LRRK1: variants seen among roughly 807,000 people sequenced by gnomAD.
LRRK1 encodes the protein leucine rich repeat kinase 1, also known as leucine-rich repeat serine/threonine-protein kinase 1.
In LRRK1, 113 loss-of-function variants were observed where a neutral mutation model predicts 209.1. The ratio of observed to expected loss-of-function variants is 0.54; its 90% CI spans 0.46 to 0.63. The LOEUF (loss-of-function observed/expected upper bound fraction) is 0.63, where lower values mean the gene tolerates loss of function less well. LRRK1 is among the 30% of genes least tolerant of loss of function. The pLI is 0.00. For missense variants in LRRK1, 2,284 were observed against 2,632.2 expected (o/e 0.87, Z 2.89); for synonymous variants, 1,144 against 1,099.7 (o/e 1.04, Z -0.80).
At chr15:101,021,803 TGTGTGTGTGTA>T (rs760128731) in intron 13 of LRRK1, 31 bp from the exon 14 acceptor site, 27 of 996,824 alleles carry the variant, frequency 2.7e-5, no homozygotes, top group South Asian at 1.3e-4. Flanking sequence ...TGTGTGTGTG[TGTGTGTGTGTA>T]TTCTCTCGTG....
intron 2 of LRRK1, among the ~76,000 whole-genome samples, chr15:100,929,624 G>T (rs2042174006): frequency 6.6e-6 from 1 of 152,176 alleles, no homozygotes; most frequent in Non-Finnish European, 1.5e-5. Flanking sequence ...GCCACAGCAG[G>T]AAAGTCTACG....
chr15:101,002,055 A>T (rs1009912146), intron 6 of LRRK1, among the ~76,000 whole-genome samples: 1 of 152,252 alleles, frequency 6.6e-6, no homozygotes, highest in Non-Finnish European at 1.5e-5. Flanking sequence ...ACATCTGCTG[A>T]GGTTCAAACC....
chr15:101,059,642 A>G (rs1596344766), intron 29 of LRRK1, among the ~76,000 whole-genome samples: 1 of 150,014 alleles, frequency 6.7e-6, no homozygotes, highest in East Asian at 1.9e-4. Context: ...AAGTCGGGTA[A>G]GTAAAAGCCT....
At chr15:100,971,291 G>A (rs930366839) in intron 2 of LRRK1, among the ~76,000 whole-genome samples, 15 of 148,794 alleles carry the variant, frequency 1.0e-4, no homozygotes, top group Admixed American at 5.4e-4. Context: ...CCGAGATCGC[G>A]CCACTGCACA....
intron 20 of LRRK1, among the ~76,000 whole-genome samples, chr15:101,030,172 C>G (rs1374656552): frequency 3.3e-5 from 5 of 152,176 alleles, no homozygotes; most frequent in African/African-American, 9.7e-5. Flanking sequence ...CTCCTCATGA[C>G]TTTGTGCTGG....
At chr15:101,054,287 T>C (rs1351210997) in intron 26 of LRRK1, among the ~76,000 whole-genome samples, 1 of 152,222 alleles carries the variant, frequency 6.6e-6, no homozygotes, top group Non-Finnish European at 1.5e-5. Flanking sequence ...AAAATGCTTC[T>C]ACTTGCCTCT....
At chr15:100,934,802 C>CAAAA (rs56258040) in intron 2 of LRRK1, among the ~76,000 whole-genome samples, 1,100 of 53,386 alleles carry the variant, frequency 0.021, 25 homozygotes, top group Non-Finnish European at 0.034. Context: ...GAAACTGTCT[C>CAAAA]AAAAAAAAAA....
chr15:101,035,167 G>A (rs1044213561), intron 20 of LRRK1, among the ~76,000 whole-genome samples: 2 of 151,956 alleles, frequency 1.3e-5, no homozygotes, highest in South Asian at 2.1e-4. Context: ...GTAAATGTCT[G>A]TAAGGTCCTT....
chr15:101,060,325 T>TTTTTAACTGTTTGTTTTCAAA (rs2036087512), intron 29 of LRRK1, among the ~76,000 whole-genome samples: 1 of 152,246 alleles, frequency 6.6e-6, no homozygotes, highest in African/African-American at 2.4e-5. Flanking sequence ...ACTCTCTATA[T>TTTTTAACTGTTTGTTTTCAAA]TTTTAACTGT....
At chr15:101,038,711 A>G (rs778910600) in intron 20 of LRRK1, among the ~76,000 whole-genome samples, 6 of 152,084 alleles carry the variant, frequency 3.9e-5, no homozygotes, top group Admixed American at 6.5e-5. Flanking sequence ...TGGATGATCT[A>G]TTCAACGTGT....
chr15:101,025,045 C>T, intron 16 of LRRK1, 78 bp downstream of exon 16: 1 of 1,393,132 alleles, frequency 7.2e-7, no homozygotes, highest in Non-Finnish European at 9.7e-7. Context: ...CAAGCATCCC[C>T]TGTACTGAGA....
At chr15:101,013,697 G>T (rs559159814) in intron 10 of LRRK1, among the ~76,000 whole-genome samples, 115 of 152,228 alleles carry the variant, frequency 7.6e-4, no homozygotes, top group Non-Finnish European at 1.2e-3. Context: ...CCCCCTTGGT[G>T]ACTGGGTTCC....
chr15:101,048,767 G>T, intron 22 of LRRK1, 110 bp downstream of exon 22: 1 of 909,188 alleles, frequency 1.1e-6, no homozygotes, highest in Non-Finnish European at 1.6e-6. Context: ...TTTTGCTCGT[G>T]AGAGCGGCTC....
intron 27 of LRRK1, among the ~76,000 whole-genome samples, chr15:101,056,522 C>T (rs2035805633): frequency 6.6e-6 from 1 of 151,792 alleles, no homozygotes; most frequent in African/African-American, 2.4e-5. Flanking sequence ...GATAGGAAGA[C>T]AGATGGATAA....
At chr15:101,057,116 G>A (rs532380784) in intron 28 of LRRK1, 66 bp downstream of exon 28, 4 of 1,421,644 alleles carry the variant, frequency 2.8e-6, no homozygotes, top group Admixed American at 2.3e-5. Flanking sequence ...TGGGTCCCCA[G>A]GGGGTGTGTG....
At chr15:101,023,451 TG>T (rs1435860079) in intron 15 of LRRK1, among the ~76,000 whole-genome samples, 3 of 152,214 alleles carry the variant, frequency 2.0e-5, no homozygotes, top group African/African-American at 7.2e-5. Flanking sequence ...GGACTGTTGG[TG>T]GGAACTCCAT....
intron 5 of LRRK1, 38 bp from the exon 6 acceptor site, chr15:100,989,211 CA>C (rs1352727655): frequency 1.3e-6 from 2 of 1,585,280 alleles, no homozygotes; most frequent in Non-Finnish European, 1.7e-6. Context: ...GTGACACTAG[CA>C]TCTGCATGCC....
At chr15:100,993,779 A>T (rs772270494) in intron 6 of LRRK1, among the ~76,000 whole-genome samples, 1 of 152,160 alleles carries the variant, frequency 6.6e-6, no homozygotes, top group Non-Finnish European at 1.5e-5. Flanking sequence ...TCCTATTAGT[A>T]TATATTTTTC....
intron 2 of LRRK1, among the ~76,000 whole-genome samples, chr15:100,961,131 T>A (rs8034561): frequency 1.3e-5 from 2 of 152,056 alleles, no homozygotes; most frequent in Non-Finnish European, 2.9e-5. Context: ...TTCTTGCTGG[T>A]GGGGACTGGC....
Sources: gnomAD v4.1 joint callset for allele counts (sites outside exome capture counted in the v4.1 genomes callset) on GRCh38, gnomAD v4.1.1 for gene constraint, MANE v1.5 for transcripts, NCBI Gene and HGNC (gene_info 2026-07-23, HGNC 2026-07-21) for gene names.